The following MICAL3 variants were observed in gnomAD, a reference collection of about 807,000 sequenced individuals.
The protein encoded by MICAL3 is [F-actin]-monooxygenase MICAL3.
A neutral mutation model predicts 207.4 loss-of-function variants in MICAL3; 62 were observed. That is an observed-to-expected ratio of 0.30 (90% confidence interval 0.24 to 0.37). The LOEUF (loss-of-function observed/expected upper bound fraction) is 0.37, where lower values mean the gene tolerates loss of function less well. MICAL3 is among the 10% of genes least tolerant of loss of function. The pLI is 1.00. For missense variants in MICAL3, 2,368 were observed against 2,635.6 expected (o/e 0.90, Z 2.22); for synonymous variants, 1,077 against 1,069.3 (o/e 1.01, Z -0.14).
intron 19 of MICAL3, chr22:17,862,203 G>A (rs975644366): frequency 3.0e-6 from 3 of 985,020 alleles, no homozygotes; most frequent in Non-Finnish European, 3.6e-6. Context: ...CTGAGCTAAT[G>A]ACTGTTCTCT....
chr22:18,019,088 G>A (rs901357151), intron 1 of MICAL3: 1 of 152,110 alleles, frequency 6.6e-6, no homozygotes, highest in African/African-American at 2.4e-5. Flanking sequence ...AGCTACTCAG[G>A]AGGATGAGGT....
At chr22:17,880,826 C>T (rs902092196) in intron 16 of MICAL3, among the ~76,000 whole-genome samples, 1 of 152,202 alleles carries the variant, frequency 6.6e-6, no homozygotes, top group Non-Finnish European at 1.5e-5. Flanking sequence ...GCGGCAGTGC[C>T]CGAAGGCCTT....
At chr22:17,821,530 GA>G in intron 24 of MICAL3, 21 bp from the exon 25 acceptor site, 2 of 1,531,022 alleles carry the variant, frequency 1.3e-6, no homozygotes, top group Non-Finnish European at 8.8e-7. Flanking sequence ...TGAACACAGG[GA>G]CTTACAAGAG....
intron 17 of MICAL3, among the ~76,000 whole-genome samples, chr22:17,868,473 C>T (rs553438298): frequency 9.9e-4 from 151 of 152,304 alleles, no homozygotes; most frequent in African/African-American, 3.4e-3. Context: ...AACAGGAGGC[C>T]GAGTGACCTG....
chr22:17,863,805 C>A (rs1926777318), intron 19 of MICAL3: 16 of 985,466 alleles, frequency 1.6e-5, no homozygotes, highest in Non-Finnish European at 1.8e-5. Flanking sequence ...TCGTTGAAGG[C>A]CAAATGGGTA....
At position 17,832,058 on chromosome 22, in the gene MICAL3, GCTCCTC is replaced by G; in HGVS notation, c.2845_2850del (p.Glu949_Glu950del). On this transcript the variant is annotated inframe_deletion, in exon 21 of 32. Coordinates refer to ENST00000441493, the MANE Select transcript of MICAL3 (RefSeq NM_015241.3). ...CCCAGGTCAGATGGGGGCAGGCGAG[GCTCCTC>G]CTCCTCCTCCTCTCCCTCCTCCTCC... The G allele has an allele frequency of 1.9e-6, 3 of 1,593,948 alleles. No homozygotes were observed. Among genetic ancestry groups the G allele is most frequent in the East Asian group, 2.3e-5 (1 of 44,154 alleles).
chr22:17,877,553 GGTTATGGAGGTTAGGGAGGTTAGGGAA>G lies in MICAL3; in HGVS notation c.2242-5557_2242-5531del, dbSNP rs1317670447. ...TGAGGGAGGTTATGGAGGTGAGGGA[GGTTATGGAGGTTAGGGAGGTTAGGGAA>G]GTTATGGAGGTTAGGGAGGTTATGG... On this transcript the variant is annotated intron_variant, in intron 16 of 31. Transcript: ENST00000441493. Among the ~76,000 whole-genome samples, 838 of 101,840 alleles carry G rather than the reference GGTTATGGAGGTTAGGGAGGTTAGGGAA, an allele frequency of 8.2e-3. 14 individuals are homozygous for G. The highest frequency in any genetic ancestry group is 0.026 in the Admixed American group (247 of 9,490). The allele number at this position is 101,840 out of a possible 152,430, so 66.8% of individuals were successfully genotyped here. A position where few individuals can be genotyped will look rare whatever the true frequency, so the allele number is the denominator to read the frequency against.
At chr22:17,978,913 GC>G (rs1935777659) in intron 1 of MICAL3, among the ~76,000 whole-genome samples, 1 of 150,444 alleles carries the variant, frequency 6.6e-6, no homozygotes, top group Non-Finnish European at 1.5e-5. Context: ...AGTGGCTCAC[GC>G]CTATAAATCC....
At chr22:17,998,725 T>C (rs1336570924) in intron 1 of MICAL3, among the ~76,000 whole-genome samples, 1 of 151,892 alleles carries the variant, frequency 6.6e-6, no homozygotes, top group Non-Finnish European at 1.5e-5. Flanking sequence ...CACGCCCAGC[T>C]GGTATTTTTA....
At chr22:17,812,595 G>A in intron 27 of MICAL3, 1 of 903,066 alleles carries the variant, frequency 1.1e-6, no homozygotes, top group African/African-American at 1.8e-5. Flanking sequence ...AAACAGAATA[G>A]TAATAATAAT....
intron 17 of MICAL3, among the ~76,000 whole-genome samples, chr22:17,867,876 CTTCT>C (rs1207355412): frequency 1.3e-5 from 2 of 152,190 alleles, no homozygotes; most frequent in South Asian, 2.1e-4. Context: ...TCATTTCTTC[CTTCT>C]ATTTTTTTCC....
chr22:17,949,508 T>C (rs1934231927), intron 1 of MICAL3, among the ~76,000 whole-genome samples: 1 of 152,130 alleles, frequency 6.6e-6, no homozygotes, highest in Non-Finnish European at 1.5e-5. Context: ...CCTGTGCCCC[T>C]CCCCAAACGG....
chr22:17,892,656 T>C (rs2146236497), intron 11 of MICAL3, among the ~76,000 whole-genome samples: 1 of 152,324 alleles, frequency 6.6e-6, no homozygotes, highest in Admixed American at 6.5e-5. Flanking sequence ...AACTTCAATA[T>C]TCCATGCTCT....
chr22:17,809,619 G>C (rs991328751), intron 28 of MICAL3, among the ~76,000 whole-genome samples: 2 of 151,684 alleles, frequency 1.3e-5, no homozygotes, highest in East Asian at 3.9e-4. Flanking sequence ...CACGGAGTGA[G>C]ACTCCGTCTC....
chr22:17,799,982 A>ACACG (rs932512538), intron 29 of MICAL3, among the ~76,000 whole-genome samples: 5 of 147,762 alleles, frequency 3.4e-5, no homozygotes, highest in African/African-American at 1.0e-4. Context: ...ACACACACAC[A>ACACG]CGCGTTGGGA....
At chr22:17,997,729 C>T (rs934779898) in intron 1 of MICAL3, among the ~76,000 whole-genome samples, 55 of 152,122 alleles carry the variant, frequency 3.6e-4, no homozygotes, top group Admixed American at 3.4e-3. Flanking sequence ...GACCTAGGAC[C>T]TCACAAAACC....
Position 17,841,739 on chromosome 22 carries a change from T to C in MICAL3, c.2801+83A>G, listed in dbSNP as rs778128863. ...GGAAAGACAGGAGGCCTCCCTTCAC[T>C]GAGAAGAAACCGAGACACACAGAGG... On this transcript the variant is annotated intron_variant, in intron 20 of 31. Transcript: ENST00000441493. The surrounding 1 kb of genome is among the most constrained non-coding windows in gnomAD (Gnocchi z 4.2). 1 of 1,426,046 alleles carries C rather than the reference T, an allele frequency of 7.0e-7. No individual in the cohort carries two copies. Among genetic ancestry groups the C allele is most frequent in the South Asian group, 1.3e-5 (1 of 79,998 alleles). 88.3% of individuals were successfully genotyped at this position (1,426,046 alleles called of 1,614,324 possible). A position where few individuals can be genotyped will look rare whatever the true frequency, so the allele number is the denominator to read the frequency against.
At chr22:17,975,606 G>C (rs1320995283) in intron 1 of MICAL3, among the ~76,000 whole-genome samples, 1 of 152,076 alleles carries the variant, frequency 6.6e-6, no homozygotes, top group Non-Finnish European at 1.5e-5. Flanking sequence ...TTTAGAAATG[G>C]AAATACCTGA....
chr22:17,847,227 G>A (rs770567384), intron 19 of MICAL3, among the ~76,000 whole-genome samples: 11 of 152,212 alleles, frequency 7.2e-5, no homozygotes, highest in Non-Finnish European at 1.2e-4. Context: ...AGGGTGTCGC[G>A]TAGGAAATCA....
Sources: gnomAD v4.1 joint callset for allele counts (sites outside exome capture counted in the v4.1 genomes callset) on GRCh38, gnomAD v4.1.1 for gene constraint, Gnocchi (gnomAD v3.1) non-coding constraint, MANE v1.5 for transcripts, NCBI Gene and HGNC (gene_info 2026-07-23, HGNC 2026-07-21) for gene names.